SPOCK1: variants seen among roughly 807,000 people sequenced by gnomAD.
SPOCK1 encodes the protein SPARC (osteonectin), cwcv and kazal like domains proteoglycan 1, also known as testican-1.
SPOCK1 carries 23 observed loss-of-function variants against 55.3 expected under a neutral mutation model. The ratio of observed to expected loss-of-function variants is 0.42; its 90% CI spans 0.30 to 0.59. The LOEUF is 0.59. Ranked by LOEUF, SPOCK1 falls within the 20% of genes least tolerant of loss-of-function variation. The probability of loss-of-function intolerance (pLI) is 0.22; values close to 1 mark genes in which losing one functional copy is unlikely to be tolerated. For synonymous variants in SPOCK1, 226 were observed against 221.0 expected (o/e 1.02, Z -0.20); for missense variants, 499 against 552.5 (o/e 0.90, Z 0.97).
chr5:137,319,091 C>T (rs2127145909), intron 2 of SPOCK1, among the ~76,000 whole-genome samples: 1 of 152,300 alleles, frequency 6.6e-6, no homozygotes, highest in South Asian at 2.1e-4. Context: ...AATCTCTGCC[C>T]TCAGAGAAAA....
At chr5:137,003,712 A>G (rs1377631895) in intron 6 of SPOCK1, among the ~76,000 whole-genome samples, 2 of 152,202 alleles carry the variant, frequency 1.3e-5, no homozygotes, top group African/African-American at 4.8e-5. Flanking sequence ...TATTTTTTCC[A>G]TCCCAGAAGC....
chr5:137,195,507 T>C (rs1397337969), intron 3 of SPOCK1, among the ~76,000 whole-genome samples: 1 of 152,258 alleles, frequency 6.6e-6, no homozygotes, highest in African/African-American at 2.4e-5. Context: ...ACATCATTAC[T>C]GCCTCACTAA....
chr5:137,075,925 A>G (rs148507384), intron 5 of SPOCK1, among the ~76,000 whole-genome samples: 16 of 152,280 alleles, frequency 1.1e-4, no homozygotes, highest in African/African-American at 3.4e-4. Flanking sequence ...ACTGGACACT[A>G]TTTTGACATT....
At chr5:137,212,837 C>T (rs906825961) in intron 3 of SPOCK1, among the ~76,000 whole-genome samples, 22 of 152,184 alleles carry the variant, frequency 1.4e-4, no homozygotes, top group Admixed American at 2.6e-4. Context: ...CAGCCTCAAG[C>T]GGTTGGCTGG....
chr5:137,008,288 TAATA>T (rs1362678962), intron 6 of SPOCK1, among the ~76,000 whole-genome samples: 7 of 63,630 alleles, frequency 1.1e-4, no homozygotes, highest in Non-Finnish European at 1.2e-4. Flanking sequence ...TAAAGTATAA[TAATA>T]AATACACACA....
chr5:137,130,031 C>A (rs1462679121), intron 4 of SPOCK1, among the ~76,000 whole-genome samples: 2 of 152,170 alleles, frequency 1.3e-5, no homozygotes, highest in African/African-American at 4.8e-5. Context: ...AAACTAAGTT[C>A]TTCCCGTAGT....
intron 2 of SPOCK1, among the ~76,000 whole-genome samples, chr5:137,330,837 A>G (rs1758163144): frequency 6.6e-6 from 1 of 152,230 alleles, no homozygotes; most frequent in African/African-American, 2.4e-5. Context: ...CTATTCAGCC[A>G]TAGGTATTTT....
chr5:137,073,530 T>G (rs1186827108), intron 5 of SPOCK1, among the ~76,000 whole-genome samples: 1 of 152,208 alleles, frequency 6.6e-6, no homozygotes, highest in Non-Finnish European at 1.5e-5. Flanking sequence ...GGTTGGCCTG[T>G]GTGTGACCCA....
intron 6 of SPOCK1, among the ~76,000 whole-genome samples, chr5:137,053,236 G>A (rs1752239099): frequency 6.6e-6 from 1 of 152,150 alleles, no homozygotes. Context: ...AAACCAAGGT[G>A]CACAGGGCGC....
At chr5:137,062,425 C>T (rs919615397) in intron 6 of SPOCK1, among the ~76,000 whole-genome samples, 2 of 151,880 alleles carry the variant, frequency 1.3e-5, no homozygotes, top group Non-Finnish European at 2.9e-5. Flanking sequence ...GGCAGATGCT[C>T]AGGTTCAGAA....
chr5:137,303,743 G>T (rs1483363459), intron 2 of SPOCK1, among the ~76,000 whole-genome samples: 1 of 152,210 alleles, frequency 6.6e-6, no homozygotes, highest in Non-Finnish European at 1.5e-5. Context: ...GTGGGCTCCT[G>T]AAGCAGGTGG....
chr5:137,419,211 G>A (rs142816261), intron 2 of SPOCK1, among the ~76,000 whole-genome samples: 12,738 of 152,174 alleles, frequency 0.084, 1,259 homozygotes, highest in African/African-American at 0.24. Context: ...TAGCCTTGTA[G>A]TATAGTTTGA....
intron 2 of SPOCK1, among the ~76,000 whole-genome samples, chr5:137,375,401 C>T (rs1233765626): frequency 6.6e-6 from 1 of 152,142 alleles, no homozygotes; most frequent in African/African-American, 2.4e-5. Context: ...TAAGTTAGAA[C>T]TGTCATTACC....
chr5:137,303,264 A>G (rs1207684765), intron 2 of SPOCK1, among the ~76,000 whole-genome samples: 1 of 152,122 alleles, frequency 6.6e-6, no homozygotes, highest in Non-Finnish European at 1.5e-5. Flanking sequence ...ATGACATGTG[A>G]TATGTCAGAC....
intron 3 of SPOCK1, among the ~76,000 whole-genome samples, chr5:137,154,811 C>A (rs1754384289): frequency 6.6e-6 from 1 of 152,194 alleles, no homozygotes; most frequent in Non-Finnish European, 1.5e-5. Context: ...GCACAGAAAC[C>A]AGATCACCAA....
intron 6 of SPOCK1, among the ~76,000 whole-genome samples, chr5:137,037,674 G>A (rs1751910086): frequency 6.6e-6 from 1 of 152,138 alleles, no homozygotes; most frequent in Non-Finnish European, 1.5e-5. Flanking sequence ...TCTCTGGGGT[G>A]AGCTGTATTC....
intron 6 of SPOCK1, 62 bp downstream of exon 6, chr5:137,067,653 C>T (rs1561597217): frequency 6.9e-7 from 1 of 1,438,922 alleles, no homozygotes; most frequent in Non-Finnish European, 9.8e-7. Flanking sequence ...AGCTCGGCCA[C>T]ATCAACCCTC....
intron 4 of SPOCK1, among the ~76,000 whole-genome samples, chr5:137,135,472 G>A (rs1308579050): frequency 6.6e-6 from 1 of 152,156 alleles, no homozygotes; most frequent in Non-Finnish European, 1.5e-5. Flanking sequence ...TGAGAATGTT[G>A]CTAAAACCTA....
chr5:137,461,376 C>G (rs1023988706), intron 2 of SPOCK1, among the ~76,000 whole-genome samples: 2 of 152,174 alleles, frequency 1.3e-5, no homozygotes, highest in African/African-American at 2.4e-5. Context: ...ATTGTGTATG[C>G]TCACATCAAA....
Sources: allele counts gnomAD v4.1 joint callset (sites outside exome capture counted in the v4.1 genomes callset), GRCh38; gene constraint gnomAD v4.1.1; transcripts MANE v1.5; gene names NCBI Gene and HGNC (gene_info 2026-07-23, HGNC 2026-07-21).